SINHCAF: variants seen among roughly 807,000 people sequenced by gnomAD.
The protein encoded by SINHCAF is SIN3-HDAC complex-associated factor.
Under a neutral mutation model 25.8 loss-of-function variants are expected in SINHCAF, and 3 were observed. That is an observed-to-expected ratio of 0.12 (90% CI 0.05 to 0.30). The LOEUF is 0.30. Among genes scored for constraint, SINHCAF ranks in the 10% least tolerant of loss-of-function variants. SINHCAF has a pLI of 1.00. For synonymous variants in SINHCAF, 70 were observed against 85.5 expected (o/e 0.82, Z 1.00); for missense variants, 121 against 262.3 (o/e 0.46, Z 3.72).
At chr12:31,284,920 T>G (rs962154708) in intron 5 of SINHCAF, among the ~76,000 whole-genome samples, 16 of 152,190 alleles carry the variant, frequency 1.1e-4, no homozygotes, top group Admixed American at 9.2e-4. Flanking sequence ...AAGATGCCTA[T>G]TTTGGGCCCT....
intron 1 of SINHCAF, among the ~76,000 whole-genome samples, chr12:31,310,113 T>C (rs1939207197): frequency 6.6e-6 from 1 of 152,196 alleles, no homozygotes; most frequent in South Asian, 2.1e-4. Context: ...AAACAGGTAC[T>C]TCTGGGCATA....
chr12:31,282,401 TAA>T lies in SINHCAF; in HGVS notation c.*309_*310del, dbSNP rs1306851694. On this transcript the variant is annotated 3_prime_UTR_variant, in exon 6 of 6. Coordinates refer to ENST00000337682, the MANE Select transcript of SINHCAF (RefSeq NM_001135812.2). ...TTGGCAGAATAGCAGGTATCCAAGT[TAA>T]AAATAAGAGGGTCATTTAAGACCAG... 3 of 196,552 alleles carry T rather than the reference TAA, an allele frequency of 1.5e-5. No individual in the cohort carries two copies. Among genetic ancestry groups the T allele is most frequent in the Non-Finnish European group, 3.1e-5 (3 of 97,526 alleles). 12.2% of individuals were successfully genotyped at this position (196,552 alleles called of 1,614,324 possible).
intron 1 of SINHCAF, among the ~76,000 whole-genome samples, chr12:31,309,976 T>C (rs1012862517): frequency 2.0e-5 from 3 of 152,110 alleles, no homozygotes; most frequent in Admixed American, 6.5e-5. Context: ...CAACTTGTGA[T>C]ATATTATGAG....
In SINHCAF at chr12:31,320,208, A is replaced by C. The variant is rs892147155; in HGVS notation, c.-21+5816T>G. ...ATCTAAACTCCTTGGCAAGGAATTCAAAGCTTTTCAGGATCTGCTCCTGCC... is the reference window on the plus strand; with the variant it reads ...ATCTAAACTCCTTGGCAAGGAATTCCAAGCTTTTCAGGATCTGCTCCTGCC... On this transcript the variant is annotated intron_variant, in intron 1 of 5. Coordinates refer to ENST00000337682, the MANE Select transcript of SINHCAF (RefSeq NM_001135812.2). 7.9e-5 allele frequency among the ~76,000 whole-genome samples: 12 copies of C among 152,184 alleles called. No individual in the cohort carries two copies. In the East Asian group the frequency reaches 1.3e-3, roughly 17 times the overall value.
intron 3 of SINHCAF, 84 bp downstream of exon 3, chr12:31,295,150 A>G (rs1048409098): frequency 1.3e-6 from 1 of 791,928 alleles, no homozygotes; most frequent in East Asian, 2.6e-5. Context: ...CCCTAGGGAT[A>G]TATTACTTCC....
intron 3 of SINHCAF, among the ~76,000 whole-genome samples, 187 bp from the exon 4 acceptor site, chr12:31,294,118 A>C (rs996085076): frequency 2.6e-5 from 4 of 152,208 alleles, no homozygotes; most frequent in Non-Finnish European, 5.9e-5. Context: ...GTTTTTAAAG[A>C]TATTCTTTCC....
chr12:31,308,702 G>A (rs1939135122), intron 1 of SINHCAF, among the ~76,000 whole-genome samples: 2 of 152,250 alleles, frequency 1.3e-5, no homozygotes, highest in South Asian at 4.1e-4. Flanking sequence ...AAAAGTAAGT[G>A]GGGCGCTGTA....
chr12:31,323,828 TC>T (rs916967650), intron 1 of SINHCAF: 25 of 414,678 alleles, frequency 6.0e-5, no homozygotes, highest in Non-Finnish European at 1.0e-4. Flanking sequence ...CGGGGCTGGG[TC>T]CCCTGGACTT....
At chr12:31,302,890 T>C (rs927670272) in intron 1 of SINHCAF, 2 of 974,122 alleles carry the variant, frequency 2.1e-6, no homozygotes. Context: ...CAAACTCCAG[T>C]TACAAATGCA....
At chr12:31,309,942 C>G (rs769421131) in intron 1 of SINHCAF, among the ~76,000 whole-genome samples, 1 of 152,080 alleles carries the variant, frequency 6.6e-6, no homozygotes, top group Non-Finnish European at 1.5e-5. Context: ...GCTGGGATTA[C>G]AAGCGTGAGC....
chr12:31,285,231 T>C (rs1937989072), intron 5 of SINHCAF, among the ~76,000 whole-genome samples: 1 of 151,668 alleles, frequency 6.6e-6, no homozygotes, highest in Non-Finnish European at 1.5e-5. Flanking sequence ...CTACTAAAAA[T>C]ACAAAAATTA....
chr12:31,324,846 G>A lies in SINHCAF; in HGVS notation c.-21+1178C>T, dbSNP rs374830790. 2 of 405,302 alleles carry A rather than the reference G, an allele frequency of 4.9e-6. No individual in the cohort carries two copies. Among genetic ancestry groups the A allele is most frequent in the Admixed American group, 5.6e-5 (2 of 35,626 alleles). The allele number at this position is 405,302 out of a possible 1,614,324, so 25.1% of individuals were successfully genotyped here. ...ATCAAAGTTTTGCAGTGTCCTTGAT[G>A]AGAAACGCCCGGAGTATCCGCCCCG... On this transcript the variant is annotated intron_variant, in intron 1 of 5. Coordinates refer to ENST00000337682, the MANE Select transcript of SINHCAF (RefSeq NM_001135812.2). The surrounding 1 kb of genome is among the most constrained non-coding windows in gnomAD (Gnocchi z 5.5).
intron 1 of SINHCAF, chr12:31,303,337 T>G (rs1592974189): frequency 1.8e-6 from 1 of 547,196 alleles, no homozygotes; most frequent in Non-Finnish European, 2.3e-6. Context: ...CAGGAAGTCA[T>G]GTCCCACGTT....
chr12:31,325,237 C>T lies in SINHCAF; in HGVS notation c.-21+787G>A. 1 of 456,822 alleles carries T rather than the reference C, an allele frequency of 2.2e-6. No homozygotes were observed. The highest frequency in any genetic ancestry group is 1.5e-5 in the South Asian group (1 of 64,576). The allele number at this position is 456,822 out of a possible 1,614,324, so 28.3% of individuals were successfully genotyped here. A position where few individuals can be genotyped will look rare whatever the true frequency, so the allele number is the denominator to read the frequency against. On this transcript the variant is annotated intron_variant, in intron 1 of 5. Coordinates refer to ENST00000337682, the MANE Select transcript of SINHCAF (RefSeq NM_001135812.2). This position sits in a 1 kb window ranked among gnomAD's most constrained non-coding sequence, Gnocchi z 5.9. ...ACAGGTGAACGCACCGGGAGCAAAA[C>T]TTCGGGCTCCGAAAGCACCCCGGAC...
At chr12:31,285,938 G>A (rs80185862) in intron 5 of SINHCAF, among the ~76,000 whole-genome samples, 1,711 of 148,394 alleles carry the variant, frequency 0.012, 16 homozygotes, top group East Asian at 0.037. Flanking sequence ...TAACACCACT[G>A]CACTCCAGTC....
chr12:31,300,028 G>A (rs968088974), intron 1 of SINHCAF, among the ~76,000 whole-genome samples: 21 of 152,188 alleles, frequency 1.4e-4, no homozygotes, highest in Admixed American at 1.3e-4. Context: ...GCAGTCTGTG[G>A]TTGACCGAAA....
intron 1 of SINHCAF, among the ~76,000 whole-genome samples, chr12:31,300,780 T>A (rs965709840): frequency 5.3e-5 from 8 of 152,164 alleles, no homozygotes; most frequent in Admixed American, 4.6e-4. Context: ...CACACCACCC[T>A]GCGCTCTTCT....
chr12:31,287,808 A>T (rs776092541), intron 4 of SINHCAF, 24 bp from the exon 5 acceptor site: 2 of 1,549,042 alleles, frequency 1.3e-6, no homozygotes, highest in Admixed American at 3.6e-5. Flanking sequence ...TAAGAGAAAA[A>T]ATAAAATTTT....
intron 1 of SINHCAF, among the ~76,000 whole-genome samples, chr12:31,309,171 T>G (rs967441820): frequency 4.6e-5 from 7 of 151,364 alleles, no homozygotes; most frequent in Admixed American, 2.6e-4. Context: ...ATCCTTGATA[T>G]TTGGTATGGC....
Sources: gnomAD v4.1 joint callset for allele counts (sites outside exome capture counted in the v4.1 genomes callset) on GRCh38, gnomAD v4.1.1 for gene constraint, Gnocchi (gnomAD v3.1) non-coding constraint, MANE v1.5 for transcripts, NCBI Gene and HGNC (gene_info 2026-07-23, HGNC 2026-07-21) for gene names.